The following CTNND2 variants were observed in gnomAD, a reference collection of about 807,000 sequenced individuals.
The protein encoded by CTNND2 is catenin delta 2.
Under a neutral mutation model 144.4 loss-of-function variants are expected in CTNND2, and 22 were observed. The observed-to-expected ratio is 0.15, with a 90% CI of 0.11 to 0.22. The LOEUF (loss-of-function observed/expected upper bound fraction) is 0.22, where lower values mean the gene tolerates loss of function less well. Among genes scored for constraint, CTNND2 ranks in the 10% least tolerant of loss-of-function variants. CTNND2 has a pLI of 1.00. For missense variants in CTNND2, 1,353 were observed against 1,618.8 expected, an observed-to-expected ratio of 0.84 and a Z score of 2.82; for synonymous variants, 751 against 695.6, an observed-to-expected ratio of 1.08 and a Z score of -1.25.
At chr5:11,046,855 A>G (rs1335020306) in intron 16 of CTNND2, among the ~76,000 whole-genome samples, 2 of 152,176 alleles carry the variant, frequency 1.3e-5, no homozygotes, top group South Asian at 4.1e-4. Flanking sequence ...AAAACAAACA[A>G]CAACAAAAAA....
chr5:11,168,060 C>A (rs1300923318), intron 11 of CTNND2, among the ~76,000 whole-genome samples: 3 of 151,906 alleles, frequency 2.0e-5, no homozygotes, highest in African/African-American at 7.3e-5. Flanking sequence ...GTTTTCAGAG[C>A]CTGAATTAAT....
intron 3 of CTNND2, among the ~76,000 whole-genome samples, chr5:11,463,588 T>C (rs1203130003): frequency 3.3e-5 from 5 of 152,120 alleles, no homozygotes; most frequent in Non-Finnish European, 7.3e-5. Flanking sequence ...TGTTCTGGCT[T>C]ACTCCTTGCC....
chr5:11,347,451 T>G (rs957041134), intron 8 of CTNND2, among the ~76,000 whole-genome samples: 16 of 152,242 alleles, frequency 1.1e-4, no homozygotes, highest in African/African-American at 3.9e-4. Context: ...AATTTCAATT[T>G]TTTGTTTCCC....
chr5:11,868,935 G>A (rs1276324807), intron 1 of CTNND2, among the ~76,000 whole-genome samples: 1 of 152,030 alleles, frequency 6.6e-6, no homozygotes, highest in Non-Finnish European at 1.5e-5. Context: ...TTACATTTTT[G>A]GTTATAAGCA....
intron 1 of CTNND2, among the ~76,000 whole-genome samples, chr5:11,736,008 C>G (rs541291186): frequency 2.6e-5 from 4 of 152,212 alleles, no homozygotes; most frequent in Non-Finnish European, 4.4e-5. Context: ...AGCCAGTATT[C>G]TTATCAACAT....
At chr5:11,873,381 C>A (rs1260363121) in intron 1 of CTNND2, among the ~76,000 whole-genome samples, 1 of 152,122 alleles carries the variant, frequency 6.6e-6, no homozygotes, top group Non-Finnish European at 1.5e-5. Flanking sequence ...AGGCAGCATG[C>A]AGAGGTTAAA....
intron 3 of CTNND2, among the ~76,000 whole-genome samples, chr5:11,516,512 A>C (rs887885233): frequency 9.9e-5 from 15 of 152,126 alleles, no homozygotes; most frequent in Admixed American, 9.8e-4. Context: ...TACAAGATCA[A>C]TATTTTAAAA....
At chr5:11,333,566 T>C (rs978332289) in intron 9 of CTNND2, among the ~76,000 whole-genome samples, 2 of 152,294 alleles carry the variant, frequency 1.3e-5, no homozygotes, top group African/African-American at 4.8e-5. Flanking sequence ...AGATGATCAG[T>C]CAGATCAGAC....
Position 11,904,318 on chromosome 5 carries a change from A to G in CTNND2, c.-465T>C, listed in dbSNP as rs1738163642. On this transcript the variant is annotated 5_prime_UTR_variant, in exon 1 of 22. Transcript: ENST00000304623. This position sits in a 1 kb window ranked among gnomAD's most constrained non-coding sequence, Gnocchi z 4.2. ...GCGCCACCTGTGCCGCCGCCGCCTC[A>G]GCCGCCGAGGGCGAGGCTCCTCCCG... Among the ~76,000 whole-genome samples the G allele has an allele frequency of 6.7e-6, 1 of 148,182 alleles. No individual in the cohort carries two copies. Among genetic ancestry groups the G allele is most frequent in the Non-Finnish European group, 1.5e-5 (1 of 66,786 alleles).
At chr5:11,547,288 T>C (rs1775327798) in intron 3 of CTNND2, among the ~76,000 whole-genome samples, 1 of 137,904 alleles carries the variant, frequency 7.3e-6, no homozygotes, top group South Asian at 2.2e-4. Flanking sequence ...AATAAATAAA[T>C]AAATAAATAA....
intron 8 of CTNND2, among the ~76,000 whole-genome samples, chr5:11,352,633 G>A (rs891575466): frequency 1.3e-5 from 2 of 152,060 alleles, no homozygotes; most frequent in African/African-American, 4.8e-5. Context: ...TTGTGATGGT[G>A]GTGACTATAC....
intron 12 of CTNND2, among the ~76,000 whole-genome samples, chr5:11,154,028 C>T (rs1288664523): frequency 3.9e-5 from 6 of 152,140 alleles, no homozygotes; most frequent in African/African-American, 9.7e-5. Flanking sequence ...ACAGCCACAG[C>T]GGGATCTTTA....
At chr5:11,233,019 C>A (rs1439848248) in intron 10 of CTNND2, among the ~76,000 whole-genome samples, 1 of 152,058 alleles carries the variant, frequency 6.6e-6, no homozygotes, top group African/African-American at 2.4e-5. Context: ...TAGAAGGTAC[C>A]TGAAGAGGTA....
rs962701254 is a variant in CTNND2, at chr5:11,396,935, G to A, written c.612+96C>T. On this transcript the variant is annotated intron_variant, in intron 6 of 21. Transcript: ENST00000304623. Reference sequence around the variant, plus strand: ...GTTGAGGGACACACCTACAAAAAAGGCAGGCTGGATCTCCACAATCTCCAC... The same window carrying A: ...GTTGAGGGACACACCTACAAAAAAGACAGGCTGGATCTCCACAATCTCCAC... 17 of 1,248,150 alleles carry A rather than the reference G, an allele frequency of 1.4e-5. No homozygotes were observed. In the East Asian group the frequency reaches 4.0e-4, roughly 29 times the overall value. The allele number at this position is 1,248,150 out of a possible 1,614,324, so 77.3% of individuals were successfully genotyped here. A position where few individuals can be genotyped will look rare whatever the true frequency, so the allele number is the denominator to read the frequency against.
At chr5:11,690,120 T>C (rs771785184) in intron 2 of CTNND2, among the ~76,000 whole-genome samples, 1 of 152,150 alleles carries the variant, frequency 6.6e-6, no homozygotes, top group African/African-American at 2.4e-5. Context: ...ACGACTTAAA[T>C]GAAAGTGACA....
intron 3 of CTNND2, among the ~76,000 whole-genome samples, chr5:11,474,015 G>C (rs75138069): frequency 0.016 from 2,446 of 152,308 alleles, 63 homozygotes; most frequent in African/African-American, 0.056. Context: ...CAGTAATCGA[G>C]AGCCTGAAGC....
At chr5:11,569,966 C>T (rs1777430312) in intron 2 of CTNND2, among the ~76,000 whole-genome samples, 1 of 152,172 alleles carries the variant, frequency 6.6e-6, no homozygotes, top group African/African-American at 2.4e-5. Context: ...ATAAGCAATG[C>T]AATTTATGGT....
intron 20 of CTNND2, among the ~76,000 whole-genome samples, 178 bp downstream of exon 20, chr5:10,987,933 A>T (rs368555880): frequency 6.6e-6 from 1 of 152,154 alleles, no homozygotes; most frequent in Non-Finnish European, 1.5e-5. Context: ...TTATGCCTCT[A>T]TTCTTAGTCC....
intron 9 of CTNND2, among the ~76,000 whole-genome samples, chr5:11,322,437 T>A (rs1752129302): frequency 6.6e-6 from 1 of 152,214 alleles, no homozygotes; most frequent in Non-Finnish European, 1.5e-5. Context: ...TATTATGCAA[T>A]AAGCATTTAT....
Sources: gnomAD v4.1 joint callset for allele counts (sites outside exome capture counted in the v4.1 genomes callset) on GRCh38, gnomAD v4.1.1 for gene constraint, Gnocchi (gnomAD v3.1) non-coding constraint, MANE v1.5 for transcripts, NCBI Gene and HGNC (gene_info 2026-07-23, HGNC 2026-07-21) for gene names.